Variants in AHDC1 observed in about 807,000 individuals in gnomAD.
AHDC1 encodes AT-hook DNA binding motif containing 1.
In AHDC1, 7 loss-of-function variants were observed where a neutral mutation model predicts 87.9. The observed-to-expected ratio is 0.08, with a 90% CI of 0.05 to 0.15. AHDC1 has a LOEUF of 0.15. Ranked by LOEUF, AHDC1 falls within the 10% of genes least tolerant of loss-of-function variation. The pLI is 1.00. For synonymous variants in AHDC1, 1,051 were observed against 1,006.8 expected (o/e 1.04, Z -0.83); for missense variants, 1,841 against 2,253.2 (o/e 0.82, Z 3.70).
intron 3 of AHDC1, among the ~76,000 whole-genome samples, chr1:27,592,274 C>T (rs2089242884): frequency 1.3e-5 from 2 of 152,198 alleles, no homozygotes; most frequent in Admixed American, 6.5e-5. Flanking sequence ...GCCTGTCATC[C>T]ACAGAGCCCG....
chr1:27,598,483 C>T lies in AHDC1; in HGVS notation c.-629+4914G>A, dbSNP rs147481254. The stretch of plus-strand genomic sequence containing the variant: ...GGGCCAGGAGAGGCCAGGCCTTGGG[C>T]GAAGGAGGGGCTGGGAGCCAGGGCT... On this transcript the variant is annotated intron_variant, in intron 3 of 8. Coordinates refer to ENST00000673934, the MANE Select transcript of AHDC1 (RefSeq NM_001371928.1). The surrounding 1 kb of genome is among the most constrained non-coding windows in gnomAD (Gnocchi z 4.2). 1.2e-3 allele frequency among the ~76,000 whole-genome samples: 186 copies of T among 152,238 alleles called. 5 individuals carry two copies. The East Asian group carries it at 0.032, about 26-fold the overall frequency.
chr1:27,570,276 G>A (rs1339221116), intron 3 of AHDC1, among the ~76,000 whole-genome samples: 5 of 151,958 alleles, frequency 3.3e-5, no homozygotes, highest in Non-Finnish European at 7.4e-5. Flanking sequence ...CTGGGATCAC[G>A]TTGCAAACTC....
intron 3 of AHDC1, among the ~76,000 whole-genome samples, chr1:27,599,394 C>T (rs547696495): frequency 4.6e-5 from 7 of 152,280 alleles, no homozygotes; most frequent in South Asian, 2.1e-4. Context: ...GCAGCAGCGG[C>T]GCCTCCCCCT....
chr1:27,549,261 G>A lies in AHDC1; in HGVS notation c.2855C>T (p.Ser952Leu), dbSNP rs763881099. 3 of 1,604,046 alleles carry A rather than the reference G, an allele frequency of 1.9e-6. No homozygotes were observed. Residue 952 changes from serine (S) to leucine (L), a missense_variant, in exon 8 of 9, where the codon TCA becomes TTA. Transcript: ENST00000673934. ...GGTGGTAGGTGAGCGGGCCATGGCT[G>A]AGGGCGGGGGCACCAGCTTGGGGAA... ...ETFPKLVPPP[S>L]AMARSPTTHP...
intron 7 of AHDC1, chr1:27,552,398 C>A: frequency 2.5e-5 from 9 of 357,964 alleles, no homozygotes; most frequent in South Asian, 1.5e-4. Context: ...GGCCCAGTTT[C>A]ACTTTTTTTT....
At position 27,602,990 on chromosome 1, in the gene AHDC1, C is replaced by G. The variant is rs560432922; in HGVS notation, c.-629+407G>C. On this transcript the variant is annotated intron_variant, in intron 3 of 8. Coordinates refer to ENST00000673934, the MANE Select transcript of AHDC1 (RefSeq NM_001371928.1). ...CTCCCACGGTCCCCCCTTCATTCCC[C>G]CCCCCCCCACATTCTCAGCAAGCTG... Among the ~76,000 whole-genome samples, 667 of 139,618 alleles carry G rather than the reference C, an allele frequency of 4.8e-3. 6 individuals carry two copies. The highest frequency in any genetic ancestry group is 7.6e-3 in the Non-Finnish European group (487 of 63,726). 91.6% of individuals were successfully genotyped at this position (139,618 alleles called of 152,430 possible).
chr1:27,543,892 G>A (rs2019045776), intron 8 of AHDC1, among the ~76,000 whole-genome samples: 1 of 151,972 alleles, frequency 6.6e-6, no homozygotes, highest in East Asian at 1.9e-4. Flanking sequence ...GCAGTGAGCC[G>A]AGATCGTGCC....
intron 3 of AHDC1, among the ~76,000 whole-genome samples, chr1:27,597,759 T>TTCTCCCTCCC (rs977133730): frequency 6.6e-6 from 1 of 152,034 alleles, no homozygotes; most frequent in Non-Finnish European, 1.5e-5. Context: ...GCCTGCAGTC[T>TTCTCCCTCCC]TCTCCCTCCC....
At chr1:27,559,368 G>A (rs1449500438) in intron 3 of AHDC1, among the ~76,000 whole-genome samples, 1 of 152,084 alleles carries the variant, frequency 6.6e-6, no homozygotes, top group Non-Finnish European at 1.5e-5. Flanking sequence ...CCTGTTTCTT[G>A]AAACCCCAGG....
At chr1:27,542,523 A>G (rs2018976426) in intron 8 of AHDC1, among the ~76,000 whole-genome samples, 1 of 152,266 alleles carries the variant, frequency 6.6e-6, no homozygotes, top group African/African-American at 2.4e-5. Flanking sequence ...TTACCTACCC[A>G]TCACCAGCCG....
Position 27,598,134 on chromosome 1 carries a change from G to T in AHDC1, c.-629+5263C>A, listed in dbSNP as rs1486921907. Among the ~76,000 whole-genome samples, 2 of 152,224 alleles carry T rather than the reference G, an allele frequency of 1.3e-5. No individual in the cohort carries two copies. The highest frequency in any genetic ancestry group is 2.9e-5 in the Non-Finnish European group (2 of 68,042). On this transcript the variant is annotated intron_variant, in intron 3 of 8. Coordinates refer to ENST00000673934, the MANE Select transcript of AHDC1 (RefSeq NM_001371928.1). This position sits in a 1 kb window ranked among gnomAD's most constrained non-coding sequence, Gnocchi z 4.2. ...CTCCTGGCTCAGGGGGTGGGGAGGG[G>T]GTGCAGAGCTGCAGCTTCTGGAAGC...
intron 8 of AHDC1, among the ~76,000 whole-genome samples, chr1:27,543,577 T>C (rs2019024421): frequency 6.6e-6 from 1 of 152,214 alleles, no homozygotes; most frequent in African/African-American, 2.4e-5. Flanking sequence ...TTGCCTATTC[T>C]TGAAGGTTGA....
At chr1:27,601,290 C>A (rs2089522500) in intron 3 of AHDC1, among the ~76,000 whole-genome samples, 1 of 152,264 alleles carries the variant, frequency 6.6e-6, no homozygotes. Flanking sequence ...ACCAGGGGAA[C>A]GTTCCTGAGG....
intron 3 of AHDC1, among the ~76,000 whole-genome samples, chr1:27,591,975 G>T (rs1197925296): frequency 1.3e-5 from 2 of 152,146 alleles, no homozygotes; most frequent in African/African-American, 4.8e-5. Context: ...AGGGATCCCC[G>T]ACCTGGCTGG....
chr1:27,580,484 T>G (rs2088875327), intron 3 of AHDC1, among the ~76,000 whole-genome samples: 1 of 152,204 alleles, frequency 6.6e-6, no homozygotes, highest in Admixed American at 6.5e-5. Context: ...CTCCCATACC[T>G]GTCCCCTTCC....
chr1:27,594,133 G>A (rs140081114), intron 3 of AHDC1, among the ~76,000 whole-genome samples: 43 of 152,294 alleles, frequency 2.8e-4, no homozygotes, highest in Admixed American at 1.0e-3. Flanking sequence ...CTGTAATTAG[G>A]GGGTGGAACA....
chr1:27,554,074 C>T (rs1206306088), intron 5 of AHDC1, among the ~76,000 whole-genome samples: 2 of 152,104 alleles, frequency 1.3e-5, no homozygotes, highest in African/African-American at 4.8e-5. Context: ...TTCTCCAAAA[C>T]ATTAAATTAA....
chr1:27,591,845 G>GA (rs761666938), intron 3 of AHDC1, among the ~76,000 whole-genome samples: 27 of 152,348 alleles, frequency 1.8e-4, no homozygotes, highest in Admixed American at 1.4e-3. Flanking sequence ...GTTGAAATGA[G>GA]AAAATGCATG....
chr1:27,543,647 A>G (rs1169822704), intron 8 of AHDC1, among the ~76,000 whole-genome samples: 1 of 152,192 alleles, frequency 6.6e-6, no homozygotes, highest in Non-Finnish European at 1.5e-5. Flanking sequence ...AGACCCAGCA[A>G]GAGTTGTGGG....
Sources: gnomAD v4.1 joint callset for allele counts (sites outside exome capture counted in the v4.1 genomes callset) on GRCh38, gnomAD v4.1.1 for gene constraint, Gnocchi (gnomAD v3.1) non-coding constraint, MANE v1.5 for transcripts, NCBI Gene and HGNC (gene_info 2026-07-23, HGNC 2026-07-21) for gene names.